The following COL4A4 variants were observed in gnomAD, a reference collection of about 807,000 sequenced individuals.
The protein encoded by COL4A4 is collagen type IV alpha 4 chain, also known as collagen alpha-4(IV) chain.
Under a neutral mutation model 192.9 loss-of-function variants are expected in COL4A4, and 105 were observed. That is an observed-to-expected ratio of 0.54 (90% confidence interval 0.46 to 0.64). The LOEUF (loss-of-function observed/expected upper bound fraction) is 0.64, where lower values mean the gene tolerates loss of function less well. Ranked by LOEUF, COL4A4 falls within the 30% of genes least tolerant of loss-of-function variation. The pLI is 0.00. For missense variants in COL4A4, 1,967 were observed against 2,169.3 expected (o/e 0.91, Z 1.85); for synonymous variants, 762 against 769.9 (o/e 0.99, Z 0.17).
At chr2:227,033,524 A>G in intron 37 of COL4A4, 43 bp from the exon 38 acceptor site, 1 of 1,546,982 alleles carries the variant, frequency 6.5e-7, no homozygotes, top group Non-Finnish European at 8.9e-7. Context: ...AAGACCAGCC[A>G]CCGGTACTCA....
intron 22 of COL4A4, among the ~76,000 whole-genome samples, chr2:227,082,982 A>T (rs1255333390): frequency 6.6e-6 from 1 of 152,166 alleles, no homozygotes; most frequent in Non-Finnish European, 1.5e-5. Context: ...TAATCCCAGC[A>T]TTTTGAGAGG....
intron 25 of COL4A4, among the ~76,000 whole-genome samples, chr2:227,063,250 A>C (rs757370658): frequency 6.6e-6 from 1 of 152,180 alleles, no homozygotes; most frequent in Non-Finnish European, 1.5e-5. Flanking sequence ...TTCTAGAGAG[A>C]TAGATATCAC....
At chr2:227,110,191 T>C (rs940676943) in intron 9 of COL4A4, among the ~76,000 whole-genome samples, 3 of 152,196 alleles carry the variant, frequency 2.0e-5, no homozygotes, top group Non-Finnish European at 4.4e-5. Context: ...CCCGGGCTCC[T>C]GCTGACTCTG....
At chr2:227,105,739 T>A (rs1355460624) in intron 12 of COL4A4, among the ~76,000 whole-genome samples, 1 of 152,162 alleles carries the variant, frequency 6.6e-6, no homozygotes, top group Non-Finnish European at 1.5e-5. Context: ...TTGTCATAGT[T>A]AAGAACAGGC....
intron 4 of COL4A4, among the ~76,000 whole-genome samples, chr2:227,132,656 A>G (rs780112591): frequency 2.6e-5 from 4 of 152,224 alleles, no homozygotes; most frequent in East Asian, 1.9e-4. Context: ...TGTGCCTGTA[A>G]TCCCAGCTAC....
intron 22 of COL4A4, among the ~76,000 whole-genome samples, chr2:227,082,752 G>A (rs1045327950): frequency 2.0e-5 from 3 of 152,292 alleles, no homozygotes; most frequent in Non-Finnish European, 4.4e-5. Flanking sequence ...GAAAGTTGAT[G>A]AGCAGGAGAA....
rs2061897534 is a variant in COL4A4 at position 227,123,179 on chromosome 2, A to G, written c.193-2031T>C. On this transcript the variant is annotated intron_variant, in intron 4 of 47. Transcript: ENST00000396625. This position sits in a 1 kb window ranked among gnomAD's most constrained non-coding sequence, Gnocchi z 4.6. ...CCATGCCCAGGTGGGATGTCACTTT[A>G]GATAGTGCTGCTGGCCTTGGCCAGG... Among the ~76,000 whole-genome samples the G allele has an allele frequency of 1.3e-5, 2 of 152,194 alleles. No homozygotes were observed. The highest frequency in any genetic ancestry group is 2.9e-5 in the Non-Finnish European group (2 of 68,036).
At chr2:226,994,233 T>C in the COL4A4 span, among the ~76,000 whole-genome samples, 1 of 152,208 alleles carries the variant, frequency 6.6e-6, no homozygotes, top group Non-Finnish European at 1.5e-5. Context: ...GAACAGCTAC[T>C]GTGTGTTCAG....
intron 25 of COL4A4, among the ~76,000 whole-genome samples, chr2:227,064,097 T>G (rs1289734273): frequency 6.6e-6 from 1 of 152,184 alleles, no homozygotes; most frequent in Non-Finnish European, 1.5e-5. Context: ...TTCCATGATT[T>G]TATGTGACAT....
intron 22 of COL4A4, among the ~76,000 whole-genome samples, chr2:227,084,010 A>T (rs3923084): frequency 0.11 from 17,004 of 152,216 alleles, 1,075 homozygotes; most frequent in East Asian, 0.19. Context: ...ACATAACTCA[A>T]TATCTCTGAT....
intron 25 of COL4A4, among the ~76,000 whole-genome samples, chr2:227,063,360 C>T (rs988300534): frequency 6.6e-6 from 1 of 152,014 alleles, no homozygotes; most frequent in Non-Finnish European, 1.5e-5. Context: ...CCTCATAGTG[C>T]ATTTCTTTAT....
At chr2:227,074,203 G>A (rs1409269821) in intron 25 of COL4A4, among the ~76,000 whole-genome samples, 2 of 151,560 alleles carry the variant, frequency 1.3e-5, no homozygotes, top group African/African-American at 4.8e-5. Context: ...AAAACACCAA[G>A]AAAAAAACAA....
rs1017458599 is a variant in COL4A4 at position 227,002,887 on chromosome 2, C to T, written c.*4438G>A. On this transcript the variant is annotated 3_prime_UTR_variant, in exon 48 of 48. Transcript: ENST00000396625. ...GGGATGCAATTTATTAGACACATTT[C>T]ACATTTTTCCCATGAATCATTAAAT... 6.6e-6 allele frequency: 1 copy of T among 152,650 alleles called. No homozygotes were observed. The highest frequency in any genetic ancestry group is 1.5e-5 in the Non-Finnish European group (1 of 68,036). 9.5% of individuals were successfully genotyped at this position (152,650 alleles called of 1,614,324 possible). A position where few individuals can be genotyped will look rare whatever the true frequency, so the allele number is the denominator to read the frequency against.
chr2:227,106,045 T>C (rs1041147771), intron 12 of COL4A4, among the ~76,000 whole-genome samples: 3 of 77,710 alleles, frequency 3.9e-5, no homozygotes, highest in African/African-American at 1.1e-4. Context: ...CAAGTTTAAA[T>C]AGAAAAAAAA....
the COL4A4 span, among the ~76,000 whole-genome samples, chr2:226,974,807 G>A: frequency 2.0e-5 from 3 of 152,210 alleles, no homozygotes; most frequent in African/African-American, 7.2e-5. Flanking sequence ...GAACCATACA[G>A]TGCTCACGGT....
At chr2:227,133,120 T>C (rs1316789590) in intron 4 of COL4A4, among the ~76,000 whole-genome samples, 1 of 152,216 alleles carries the variant, frequency 6.6e-6, no homozygotes, top group African/African-American at 2.4e-5. Flanking sequence ...GCACCCAGCC[T>C]GGCCTGGGTC....
intron 47 of COL4A4, 73 bp from the exon 48 acceptor site, chr2:227,007,661 C>T: frequency 3.1e-6 from 5 of 1,591,588 alleles, no homozygotes; most frequent in Non-Finnish European, 4.3e-6. Context: ...GGGACACACC[C>T]AGGTTTGGGT....
At chr2:227,012,733 T>G (rs1268531160) in intron 44 of COL4A4, among the ~76,000 whole-genome samples, 4 of 152,098 alleles carry the variant, frequency 2.6e-5, no homozygotes, top group Non-Finnish European at 5.9e-5. Flanking sequence ...TGAATGAAAC[T>G]TAATCGGTTT....
intron 18 of COL4A4, 110 bp from the exon 19 acceptor site, chr2:227,098,908 T>C (rs1449898660): frequency 3.3e-6 from 3 of 903,308 alleles, no homozygotes; most frequent in Non-Finnish European, 5.2e-6. Context: ...GAGACATTTT[T>C]GCAGTTTCTC....
Sources: gnomAD v4.1 joint callset for allele counts (sites outside exome capture counted in the v4.1 genomes callset) on GRCh38, gnomAD v4.1.1 for gene constraint, Gnocchi (gnomAD v3.1) non-coding constraint, MANE v1.5 for transcripts, NCBI Gene and HGNC (gene_info 2026-07-23, HGNC 2026-07-21) for gene names.